SHISA9: variants seen among roughly 807,000 people sequenced by gnomAD.
The protein encoded by SHISA9 is shisa family member 9, also known as protein shisa-9.
A neutral mutation model predicts 38.0 loss-of-function variants in SHISA9; 13 were observed. The observed-to-expected ratio is 0.34, with a 90% CI of 0.22 to 0.54. SHISA9 has a LOEUF of 0.54. Among genes scored for constraint, SHISA9 ranks in the 20% least tolerant of loss-of-function variants. The probability of loss-of-function intolerance (pLI) is 0.91; values close to 1 mark genes in which losing one functional copy is unlikely to be tolerated. For synonymous variants in SHISA9, 275 were observed against 242.0 expected, an observed-to-expected ratio of 1.14 and a Z score of -1.27; for missense variants, 538 against 575.8, an observed-to-expected ratio of 0.93 and a Z score of 0.67.
intron 2 of SHISA9, among the ~76,000 whole-genome samples, chr16:12,952,275 G>C (rs947135188): frequency 6.6e-6 from 1 of 152,158 alleles, no homozygotes; most frequent in Non-Finnish European, 1.5e-5. Context: ...ACCTGTTTAG[G>C]CTGGAATTGG....
At chr16:12,942,142 A>T (rs1030840155) in intron 2 of SHISA9, among the ~76,000 whole-genome samples, 2 of 152,196 alleles carry the variant, frequency 1.3e-5, no homozygotes, top group Admixed American at 6.5e-5. Flanking sequence ...AAGAACAGGG[A>T]TGCTGTGGAG....
At chr16:13,080,454 A>G (rs2073635681) in intron 2 of SHISA9, among the ~76,000 whole-genome samples, 1 of 152,228 alleles carries the variant, frequency 6.6e-6, no homozygotes, top group South Asian at 2.1e-4. Context: ...TTTAAGATGT[A>G]AAGTCCCAAG....
the SHISA9 span, among the ~76,000 whole-genome samples, chr16:13,550,995 T>C: frequency 6.0e-3 from 907 of 152,078 alleles, 8 homozygotes; most frequent in African/African-American, 0.017. Context: ...TGTTGGTGGG[T>C]GCCTGTAATC....
At chr16:13,038,041 C>T (rs754791338) in intron 2 of SHISA9, among the ~76,000 whole-genome samples, 11 of 152,118 alleles carry the variant, frequency 7.2e-5, no homozygotes, top group South Asian at 2.1e-4. Context: ...CCCAGGCTGG[C>T]GTACAGTGGC....
At chr16:13,510,013 T>C in the SHISA9 span, among the ~76,000 whole-genome samples, 1 of 152,088 alleles carries the variant, frequency 6.6e-6, no homozygotes, top group South Asian at 2.1e-4. Context: ...TATTTGTTAG[T>C]GAAAAACTGA....
chr16:13,083,493 G>T (rs1355169716), intron 2 of SHISA9, among the ~76,000 whole-genome samples: 1 of 152,208 alleles, frequency 6.6e-6, no homozygotes, highest in African/African-American at 2.4e-5. Context: ...GGGTAGTGAG[G>T]AAAGCAAGAT....
chr16:13,524,253 T>A, the SHISA9 span, among the ~76,000 whole-genome samples: 2 of 152,244 alleles, frequency 1.3e-5, no homozygotes, highest in African/African-American at 4.8e-5. Flanking sequence ...TGCCCCCGGC[T>A]GTCCTGGTTT....
In SHISA9 at chr16:12,998,801, GTATT is replaced by G. The variant is rs575957564; in HGVS notation, c.691+81990_691+81993del. Among the ~76,000 whole-genome samples the G allele has an allele frequency of 7.2e-5, 11 of 152,264 alleles. No homozygotes were observed. In the South Asian group the frequency reaches 2.1e-3, roughly 29 times the overall value. On this transcript the variant is annotated intron_variant, in intron 2 of 4. Coordinates refer to ENST00000558583, the MANE Select transcript of SHISA9 (RefSeq NM_001145204.3). ...TAGTTGGATTCAAAGAACTTAATGA[GTATT>G]TATGTCTGTAACAACTCAGTGCTTA...
intron 2 of SHISA9, among the ~76,000 whole-genome samples, chr16:13,106,473 A>G (rs889698273): frequency 6.6e-6 from 1 of 152,096 alleles, no homozygotes; most frequent in African/African-American, 2.4e-5. Context: ...GTGTGTGAAG[A>G]TTTGGTGACA....
intron 2 of SHISA9, among the ~76,000 whole-genome samples, chr16:13,025,395 G>A (rs533272565): frequency 2.6e-5 from 4 of 152,186 alleles, no homozygotes; most frequent in Admixed American, 6.5e-5. Context: ...ATGTGATTCC[G>A]ATGATGCTTA....
intron 2 of SHISA9, among the ~76,000 whole-genome samples, chr16:13,076,805 A>G (rs1277354295): frequency 2.0e-5 from 3 of 152,140 alleles, no homozygotes; most frequent in Admixed American, 1.3e-4. Flanking sequence ...ACCTCCACAG[A>G]TGAATAGCTG....
chr16:13,508,699 T>C, the SHISA9 span, among the ~76,000 whole-genome samples: 1 of 152,178 alleles, frequency 6.6e-6, no homozygotes, highest in Admixed American at 6.5e-5. Flanking sequence ...ATACAACGCA[T>C]TAAACTCTTT....
the SHISA9 span, among the ~76,000 whole-genome samples, chr16:13,402,801 C>G: frequency 6.6e-6 from 1 of 152,140 alleles, no homozygotes; most frequent in African/African-American, 2.4e-5. Flanking sequence ...TCAAATTAAC[C>G]ATCACATTCC....
intron 2 of SHISA9, among the ~76,000 whole-genome samples, chr16:13,202,567 G>A (rs1387290812): frequency 1.2e-5 from 1 of 82,230 alleles, no homozygotes; most frequent in Non-Finnish European, 2.7e-5. Flanking sequence ...TTCCTTTAAA[G>A]CTTCCTTTTT....
intron 2 of SHISA9, among the ~76,000 whole-genome samples, chr16:13,087,934 C>T (rs973035287): frequency 6.6e-6 from 1 of 152,134 alleles, no homozygotes; most frequent in South Asian, 2.1e-4. Context: ...AGGTTTTCTT[C>T]TAGGATTTTT....
At chr16:13,051,605 A>G (rs1335543463) in intron 2 of SHISA9, among the ~76,000 whole-genome samples, 1 of 152,178 alleles carries the variant, frequency 6.6e-6, no homozygotes, top group Non-Finnish European at 1.5e-5. Context: ...TTGAACAACC[A>G]TTGTGCTAGG....
intron 2 of SHISA9, among the ~76,000 whole-genome samples, chr16:13,156,733 CAAAAAA>C (rs11289895): frequency 9.0e-6 from 1 of 111,446 alleles, no homozygotes. Flanking sequence ...GACTCCGTCT[CAAAAAA>C]AAAAAAAAAA....
chr16:13,446,888 G>A, the SHISA9 span, among the ~76,000 whole-genome samples: 141 of 151,866 alleles, frequency 9.3e-4, 2 homozygotes, highest in Middle Eastern at 6.8e-3. Flanking sequence ...GCTGAGGAAC[G>A]AGAATCGCTT....
the SHISA9 span, among the ~76,000 whole-genome samples, chr16:13,395,471 G>A: frequency 5.3e-5 from 8 of 152,356 alleles, no homozygotes; most frequent in African/African-American, 1.4e-4. Context: ...TGCAAAGTCC[G>A]ACATTAAGGG....
Sources: gnomAD v4.1 joint callset for allele counts (sites outside exome capture counted in the v4.1 genomes callset) on GRCh38, gnomAD v4.1.1 for gene constraint, MANE v1.5 for transcripts, NCBI Gene and HGNC (gene_info 2026-07-23, HGNC 2026-07-21) for gene names.